Variants in KDM2A observed in about 807,000 individuals in gnomAD.
The protein encoded by KDM2A is lysine-specific demethylase 2A.
In KDM2A, 3 loss-of-function variants were observed where a neutral mutation model predicts 137.3. The ratio of observed to expected loss-of-function variants is 0.02; its 90% CI spans 0.01 to 0.06. KDM2A has a LOEUF of 0.06. KDM2A is among the 10% of genes least tolerant of loss of function. KDM2A has a pLI of 1.00. For synonymous variants in KDM2A, 512 were observed against 541.5 expected (o/e 0.95, Z 0.76); for missense variants, 738 against 1,510.6 (o/e 0.49, Z 8.48).
intron 2 of KDM2A, among the ~76,000 whole-genome samples, chr11:67,138,727 G>C (rs1266330738): frequency 6.6e-6 from 1 of 152,184 alleles, no homozygotes; most frequent in Non-Finnish European, 1.5e-5. Context: ...GTTACAGCGA[G>C]CCAAGATTGT....
intron 5 of KDM2A, among the ~76,000 whole-genome samples, chr11:67,197,452 A>G (rs1216110572): frequency 6.6e-6 from 1 of 152,204 alleles, no homozygotes; most frequent in Non-Finnish European, 1.5e-5. Context: ...TGTTGGGATT[A>G]CAGGCGTGAG....
In KDM2A at chr11:67,228,180, T is replaced by C. The variant is rs753423848; in HGVS notation, c.1084+17T>C. Reference sequence around the variant, plus strand: ...TCAGCATGGGTAAGTATTCTGCCTATAGGAGCTTTGAAGACACCGCTTAGG... The same window carrying C: ...TCAGCATGGGTAAGTATTCTGCCTACAGGAGCTTTGAAGACACCGCTTAGG... On this transcript the variant is annotated intron_variant, in intron 11 of 20. Coordinates refer to ENST00000529006, the MANE Select transcript of KDM2A (RefSeq NM_012308.3). 3 of 1,613,170 alleles carry C rather than the reference T, an allele frequency of 1.9e-6. No homozygotes were observed. The highest frequency in any genetic ancestry group is 1.1e-5 in the South Asian group (1 of 91,064).
At chr11:67,241,135 G>T (rs969989141) in intron 12 of KDM2A, among the ~76,000 whole-genome samples, 1 of 152,196 alleles carries the variant, frequency 6.6e-6, no homozygotes, top group Non-Finnish European at 1.5e-5. Flanking sequence ...AATGGGCAGA[G>T]TCCTACTCTT....
intron 2 of KDM2A, among the ~76,000 whole-genome samples, chr11:67,126,707 C>CA (rs765065960): frequency 0.016 from 1,203 of 75,048 alleles, 9 homozygotes; most frequent in East Asian, 0.066. Flanking sequence ...GACTCCATTT[C>CA]AAAAAAAAAA....
At chr11:67,233,892 AC>A (rs1858792879) in intron 12 of KDM2A, among the ~76,000 whole-genome samples, 1 of 152,116 alleles carries the variant, frequency 6.6e-6, no homozygotes, top group Non-Finnish European at 1.5e-5. Flanking sequence ...CCACTGAAAA[AC>A]GTGACTGCCA....
At chr11:67,127,332 T>C (rs1247579098) in intron 2 of KDM2A, among the ~76,000 whole-genome samples, 1 of 152,008 alleles carries the variant, frequency 6.6e-6, no homozygotes, top group Non-Finnish European at 1.5e-5. Flanking sequence ...TTTTTTTTGC[T>C]CAGTCTGGTC....
intron 6 of KDM2A, among the ~76,000 whole-genome samples, chr11:67,212,165 G>A (rs1858015423): frequency 6.6e-6 from 1 of 152,092 alleles, no homozygotes; most frequent in South Asian, 2.1e-4. Flanking sequence ...AGGATATTGT[G>A]GAAGCATTTT....
Position 67,186,637 on chromosome 11 carries a change from C to T in KDM2A, c.307+4745C>T, listed in dbSNP as rs1857213446. ...ATTATCTTAACAATGGCTTTTAACT[C>T]CTTTTTGTTTTCTCCATAGTTTAAG... On this transcript the variant is annotated intron_variant, in intron 5 of 20. Transcript: ENST00000529006. Among the ~76,000 whole-genome samples, 3 of 152,144 alleles carry T rather than the reference C, an allele frequency of 2.0e-5. No homozygotes were observed. The South Asian group carries it at 6.2e-4, about 31-fold the overall frequency.
At chr11:67,125,942 C>CAA (rs59801773) in intron 2 of KDM2A, among the ~76,000 whole-genome samples, 26 of 50,400 alleles carry the variant, frequency 5.2e-4, no homozygotes, top group South Asian at 7.9e-4. Context: ...GGCTTCACCT[C>CAA]AAAAAAAAAA....
At chr11:67,172,683 G>A (rs1590747328) in intron 2 of KDM2A, among the ~76,000 whole-genome samples, 2 of 151,252 alleles carry the variant, frequency 1.3e-5, no homozygotes, top group South Asian at 4.2e-4. Context: ...ACAAGATCAT[G>A]TAATTTGTGA....
chr11:67,168,269 T>C (rs527767347), intron 2 of KDM2A, among the ~76,000 whole-genome samples: 12 of 152,130 alleles, frequency 7.9e-5, no homozygotes, highest in African/African-American at 2.7e-4. Context: ...AGTGAAGTTA[T>C]GCTGAATGAA....
intron 11 of KDM2A, among the ~76,000 whole-genome samples, chr11:67,228,687 A>G (rs1213271657): frequency 3.6e-4 from 30 of 82,676 alleles, no homozygotes; most frequent in Admixed American, 1.0e-3. Context: ...CCCTGTTGCG[A>G]AAAAAAAAAA....
At chr11:67,242,954 T>C in intron 12 of KDM2A, 55 bp from the exon 13 acceptor site, 2 of 1,391,246 alleles carry the variant, frequency 1.4e-6, no homozygotes, top group East Asian at 2.3e-5. Context: ...TTCAGGGTGG[T>C]TGGCTCTTTG....
chr11:67,148,045 C>G (rs1374359898), intron 2 of KDM2A, among the ~76,000 whole-genome samples: 1 of 151,972 alleles, frequency 6.6e-6, no homozygotes, highest in South Asian at 2.1e-4. Flanking sequence ...CAGCTAAGTA[C>G]ATACATATTG....
At chr11:67,211,232 T>C (rs922542878) in intron 6 of KDM2A, among the ~76,000 whole-genome samples, 1 of 152,110 alleles carries the variant, frequency 6.6e-6, no homozygotes, top group Non-Finnish European at 1.5e-5. Flanking sequence ...AAAATTGATG[T>C]TCAGTAAAGT....
At chr11:67,228,415 G>GA (rs1277631068) in intron 11 of KDM2A, among the ~76,000 whole-genome samples, 2 of 152,110 alleles carry the variant, frequency 1.3e-5, no homozygotes, top group African/African-American at 4.8e-5. Context: ...GATCAAGCCG[G>GA]ACACGCTGGT....
At chr11:67,124,731 T>C (rs1855679286) in intron 2 of KDM2A, among the ~76,000 whole-genome samples, 1 of 151,662 alleles carries the variant, frequency 6.6e-6, no homozygotes, top group Non-Finnish European at 1.5e-5. Flanking sequence ...CTTTAAGTTG[T>C]AAGGTGATTG....
intron 13 of KDM2A, 79 bp downstream of exon 13, chr11:67,243,171 A>G: frequency 9.6e-7 from 1 of 1,039,346 alleles, no homozygotes; most frequent in African/African-American, 1.6e-5. Context: ...GGAAAACAAG[A>G]ACAACTAGAG....
chr11:67,199,019 T>G (rs937742870), intron 5 of KDM2A, among the ~76,000 whole-genome samples: 3 of 152,086 alleles, frequency 2.0e-5, no homozygotes, highest in African/African-American at 7.2e-5. Flanking sequence ...CCTCAAGTGA[T>G]TCACCCGCCT....
Sources: gnomAD v4.1 joint callset for allele counts (sites outside exome capture counted in the v4.1 genomes callset) on GRCh38, gnomAD v4.1.1 for gene constraint, MANE v1.5 for transcripts, NCBI Gene and HGNC (gene_info 2026-07-23, HGNC 2026-07-21) for gene names.